The following VPS53 variants were observed in gnomAD, a reference collection of about 807,000 sequenced individuals.
The protein encoded by VPS53 is VPS53 subunit of GARP complex, also known as vacuolar protein sorting-associated protein 53 homolog.
In VPS53, 70 loss-of-function variants were observed where a neutral mutation model predicts 107.0. The ratio of observed to expected loss-of-function variants is 0.65; its 90% CI spans 0.54 to 0.80. The LOEUF (loss-of-function observed/expected upper bound fraction) is 0.80. Among genes scored for constraint, VPS53 ranks in the 30% least tolerant of loss-of-function variants. The pLI, the probability that VPS53 is intolerant of heterozygous loss-of-function variation, is 0.00. For missense variants in VPS53, 917 were observed against 1,049.4 expected (o/e 0.87, Z 1.74); for synonymous variants, 409 against 393.3 (o/e 1.04, Z -0.47).
intron 14 of VPS53, 44 bp downstream of exon 14, chr17:562,459 T>C: frequency 6.2e-7 from 1 of 1,605,200 alleles, no homozygotes; most frequent in Non-Finnish European, 8.5e-7. Flanking sequence ...TTCCCATATT[T>C]AGGTCTATTT....
intron 10 of VPS53, among the ~76,000 whole-genome samples, chr17:623,914 T>C (rs931124831): frequency 4.0e-5 from 6 of 151,750 alleles, no homozygotes; most frequent in Non-Finnish European, 8.8e-5. Flanking sequence ...GATATATATA[T>C]ACTTATATTT....
chr17:648,335 G>C (rs1970787715), intron 7 of VPS53, among the ~76,000 whole-genome samples: 1 of 152,134 alleles, frequency 6.6e-6, no homozygotes, highest in South Asian at 2.1e-4. Flanking sequence ...ATCACTTGAG[G>C]TGTCAAGAGT....
At chr17:672,066 A>G (rs1301004100) in intron 4 of VPS53, among the ~76,000 whole-genome samples, 1 of 149,362 alleles carries the variant, frequency 6.7e-6, no homozygotes, top group Non-Finnish European at 1.5e-5. Flanking sequence ...TAGGTTCCCC[A>G]GGAAGGGCAG....
At chr17:592,582 T>C (rs1464887460) in intron 12 of VPS53, among the ~76,000 whole-genome samples, 1 of 152,104 alleles carries the variant, frequency 6.6e-6, no homozygotes, top group Non-Finnish European at 1.5e-5. Flanking sequence ...TTAGGGCAGG[T>C]CTGGTGGTGA....
chr17:544,353 A>C (rs1226108322), intron 17 of VPS53, among the ~76,000 whole-genome samples: 1 of 152,176 alleles, frequency 6.6e-6, no homozygotes, highest in Non-Finnish European at 1.5e-5. Context: ...TTTCAAAAAC[A>C]TCTGGTCGGG....
In VPS53 at chr17:671,403, G is replaced by A. The variant is rs184286071; in HGVS notation, c.286-9508C>T. ...GAGGGAGGGAGGGAGGGAGCAACAT[G>A]CTGTATGAGTTACAAGCAAGGGATT... is the stretch of plus-strand genomic sequence containing the variant. On this transcript the variant is annotated intron_variant, in intron 4 of 21. Coordinates refer to ENST00000437048, the MANE Select transcript of VPS53 (RefSeq NM_001128159.3). Among the ~76,000 whole-genome samples the A allele has an allele frequency of 9.9e-4, 150 of 152,208 alleles. 1 individual carries two copies. Among genetic ancestry groups the A allele is most frequent in the Middle Eastern group, 3.4e-3 (1 of 292 alleles).
Position 586,363 on chromosome 17 carries a change from G to C in VPS53, c.1220C>G (p.Pro407Arg), listed in dbSNP as rs1196040054. 1 of 1,613,760 alleles carries C rather than the reference G, an allele frequency of 6.2e-7. No individual in the cohort carries two copies. Among genetic ancestry groups the C allele is most frequent in the African/African-American group, 1.3e-5 (1 of 74,878 alleles). ...LATEKGDLDQ[P>R]KKPKAPDNPF... ...ATTGTCTGGGGCTTTAGGCTTCTTTGGCTGTAAAAACAAAGAAAAATAAAC... is the reference window on the plus strand; with the variant it reads ...ATTGTCTGGGGCTTTAGGCTTCTTTCGCTGTAAAAACAAAGAAAAATAAAC... The change falls in exon 13 of 22, where the codon CCA (proline) becomes CGA (arginine). Residue 407 changes from proline to arginine, a missense_variant and splice_region_variant. Pro to Arg is a moderately radical substitution (Grantham distance 103, BLOSUM62 -2). Coordinates refer to ENST00000437048, the MANE Select transcript of VPS53 (RefSeq NM_001128159.3).
At chr17:664,232 C>T (rs1297356947) in intron 4 of VPS53, among the ~76,000 whole-genome samples, 1 of 152,130 alleles carries the variant, frequency 6.6e-6, no homozygotes, top group East Asian at 1.9e-4. Context: ...GCACCTGCCA[C>T]CACACCTGGC....
intron 12 of VPS53, among the ~76,000 whole-genome samples, chr17:589,183 C>T (rs1967501778): frequency 6.6e-6 from 1 of 151,384 alleles, no homozygotes; most frequent in South Asian, 2.1e-4. Context: ...AGAATGTTAA[C>T]ATTTAAAAAA....
intron 11 of VPS53, among the ~76,000 whole-genome samples, chr17:611,522 T>C (rs1185423374): frequency 3.4e-4 from 51 of 152,184 alleles, no homozygotes; most frequent in Non-Finnish European, 4.4e-5. Flanking sequence ...TCGAAAACAG[T>C]TTGCAGTTCC....
intron 1 of VPS53, chr17:714,246 G>C (rs1392286278): frequency 1.3e-5 from 3 of 228,142 alleles, no homozygotes; most frequent in Non-Finnish European, 2.6e-5. Flanking sequence ...AGCCACTCAC[G>C]AGGTGCCAGC....
At chr17:688,243 C>T (rs984309731) in intron 4 of VPS53, among the ~76,000 whole-genome samples, 6 of 152,102 alleles carry the variant, frequency 3.9e-5, no homozygotes, top group Non-Finnish European at 5.9e-5. Flanking sequence ...ATTCTATTCA[C>T]GTGATAGTAA....
chr17:639,937 G>T (rs1038161741), intron 7 of VPS53, among the ~76,000 whole-genome samples: 1 of 152,166 alleles, frequency 6.6e-6, no homozygotes, highest in Non-Finnish European at 1.5e-5. Context: ...TGTCAGACAG[G>T]GACATTTAAG....
intron 4 of VPS53, among the ~76,000 whole-genome samples, chr17:667,452 A>G (rs1233435949): frequency 1.3e-5 from 2 of 148,598 alleles, no homozygotes; most frequent in Admixed American, 6.7e-5. Flanking sequence ...TGGGGGGGCA[A>G]TGGGTTAATT....
intron 13 of VPS53, among the ~76,000 whole-genome samples, chr17:575,401 G>GT (rs1455813554): frequency 6.6e-6 from 1 of 152,144 alleles, no homozygotes; most frequent in Admixed American, 6.5e-5. Flanking sequence ...ACCTAAATGC[G>GT]TAAATGCAAC....
Position 575,255 on chromosome 17 carries a change from A to T in VPS53, c.1313+11015T>A, listed in dbSNP as rs192788675. ...GCAGTCCATAAAATCACGTGAGTGA[A>T]TAATACAGTTCCATGTGAAGTTTCT... On this transcript the variant is annotated intron_variant, in intron 13 of 21. Coordinates refer to ENST00000437048, the MANE Select transcript of VPS53 (RefSeq NM_001128159.3). Among the ~76,000 whole-genome samples, 6 of 152,366 alleles carry T rather than the reference A, an allele frequency of 3.9e-5. No individual in the cohort carries two copies. The East Asian group carries it at 1.2e-3, about 29-fold the overall frequency.
Position 628,251 on chromosome 17 carries a change from C to T in VPS53, c.688-20G>A. The stretch of plus-strand genomic sequence containing the variant: ...TGGTCTCTAGTAAAACAAACATGTA[C>T]CAGGTGAAAAGCCAGAAACAACCTT... On this transcript the variant is annotated intron_variant, in intron 8 of 21. Transcript: ENST00000437048. The T allele has an allele frequency of 6.2e-7, 1 of 1,611,416 alleles. No homozygotes were observed.
At chr17:628,534 T>C (rs888747478) in intron 8 of VPS53, among the ~76,000 whole-genome samples, 1 of 152,044 alleles carries the variant, frequency 6.6e-6, no homozygotes, top group African/African-American at 2.4e-5. Flanking sequence ...CTGAAAGAGA[T>C]CTAAAAGTCA....
intron 4 of VPS53, among the ~76,000 whole-genome samples, chr17:688,219 G>A (rs746874916): frequency 1.3e-5 from 2 of 152,122 alleles, no homozygotes; most frequent in East Asian, 3.9e-4. Context: ...CTGAACCACG[G>A]GGTGGTTTCT....
Sources: allele counts gnomAD v4.1 joint callset (sites outside exome capture counted in the v4.1 genomes callset), GRCh38; gene constraint gnomAD v4.1.1; transcripts MANE v1.5; gene names NCBI Gene and HGNC (gene_info 2026-07-23, HGNC 2026-07-21).